Variants in CADM1 observed in about 807,000 individuals in gnomAD.
The protein encoded by CADM1 is TSLC-1.
Under a neutral mutation model 53.1 loss-of-function variants are expected in CADM1, and 15 were observed. The ratio of observed to expected loss-of-function variants is 0.28; its 90% CI spans 0.19 to 0.44. The LOEUF (loss-of-function observed/expected upper bound fraction) is 0.44. Among genes scored for constraint, CADM1 ranks in the 20% least tolerant of loss-of-function variants. The pLI is 1.00. For missense variants in CADM1, 434 were observed against 611.3 expected (o/e 0.71, Z 3.06); for synonymous variants, 281 against 243.0 (o/e 1.16, Z -1.45).
intron 8 of CADM1, among the ~76,000 whole-genome samples, chr11:115,204,530 C>A (rs1940588889): frequency 6.6e-6 from 1 of 152,134 alleles, no homozygotes; most frequent in Admixed American, 6.5e-5. Context: ...AGCTCTTGAA[C>A]CATGCAAATA....
At chr11:115,444,048 C>T (rs985600019) in intron 1 of CADM1, among the ~76,000 whole-genome samples, 2 of 152,000 alleles carry the variant, frequency 1.3e-5, no homozygotes, top group Non-Finnish European at 2.9e-5. Context: ...ACTAATATAA[C>T]TTCAGTTGGA....
At chr11:115,254,456 C>T (rs1306447123) in intron 1 of CADM1, among the ~76,000 whole-genome samples, 2 of 151,570 alleles carry the variant, frequency 1.3e-5, no homozygotes, top group African/African-American at 4.9e-5. Flanking sequence ...TTTCACAAGA[C>T]TCTTGGAAGG....
chr11:115,279,895 CCT>C (rs1369232281), intron 1 of CADM1, among the ~76,000 whole-genome samples: 4 of 152,134 alleles, frequency 2.6e-5, no homozygotes, highest in Admixed American at 6.5e-5. Context: ...GCAATGTTCC[CCT>C]GTCCCCAAAT....
rs150689726 is a variant in CADM1, at chr11:115,190,961, C to T, written c.1112-20G>A. 3.9e-5 allele frequency: 62 copies of T among 1,578,164 alleles called. No individual in the cohort carries two copies. The East Asian group carries it at 1.2e-3, about 32-fold the overall frequency. ...TAAGGCCTTACAAGTAAAAACAAAT[C>T]GTTTTTCTTTTCATTCCTCGAGGGA... On this transcript the variant is annotated intron_variant, in intron 9 of 11. Coordinates refer to ENST00000331581, the MANE Select transcript of CADM1 (RefSeq NM_001301043.2).
chr11:115,218,058 C>G (rs1941261832), intron 5 of CADM1, 67 bp from the exon 6 acceptor site: 33 of 1,125,876 alleles, frequency 2.9e-5, no homozygotes, highest in Non-Finnish European at 4.4e-5. Flanking sequence ...CAGACTCACA[C>G]ACTGCCTCAA....
intron 3 of CADM1, among the ~76,000 whole-genome samples, chr11:115,233,480 ATACCTAG>A (rs1565314292): frequency 6.6e-6 from 1 of 152,218 alleles, no homozygotes; most frequent in African/African-American, 2.4e-5. Flanking sequence ...TTCATCATAC[ATACCTAG>A]ATGGTTGATA....
chr11:115,197,202 A>G (rs1224091734), intron 9 of CADM1, among the ~76,000 whole-genome samples: 2 of 152,226 alleles, frequency 1.3e-5, no homozygotes, highest in Non-Finnish European at 2.9e-5. Context: ...ACCTTCAAGG[A>G]CAGCTCCTAC....
At chr11:115,400,265 G>A (rs1286211958) in intron 1 of CADM1, among the ~76,000 whole-genome samples, 1 of 151,990 alleles carries the variant, frequency 6.6e-6, no homozygotes, top group Admixed American at 6.6e-5. Context: ...GAAGAGGCAG[G>A]CACAACCAGA....
At chr11:115,360,939 G>A (rs1946010669) in intron 1 of CADM1, among the ~76,000 whole-genome samples, 1 of 152,068 alleles carries the variant, frequency 6.6e-6, no homozygotes, top group Admixed American at 6.6e-5. Context: ...AGTCCTCACG[G>A]CAATCACTAT....
In CADM1 at chr11:115,252,275, G is replaced by A. The variant is rs1287281391; in HGVS notation, c.125-11855C>T. On this transcript the variant is annotated intron_variant, in intron 1 of 11. Transcript: ENST00000331581. ...ATTGAGTGAAGTAATGCCTATGAAA[G>A]TATTTAAGCTCCAAAAATGCTAAAT... 1.6e-4 allele frequency among the ~76,000 whole-genome samples: 25 copies of A among 152,266 alleles called. 1 individual carries two copies. The highest frequency in any genetic ancestry group is 5.9e-5 in the Non-Finnish European group (4 of 68,014).
intron 1 of CADM1, among the ~76,000 whole-genome samples, chr11:115,503,193 G>A (rs1009079722): frequency 1.4e-4 from 22 of 152,320 alleles, no homozygotes; most frequent in African/African-American, 5.3e-4. Flanking sequence ...CTGAGGAAGA[G>A]CTCCGGCTCC....
chr11:115,180,280 A>G (rs1565280954), intron 10 of CADM1, among the ~76,000 whole-genome samples: 1 of 152,238 alleles, frequency 6.6e-6, no homozygotes, highest in Non-Finnish European at 1.5e-5. Context: ...TAAATTTTAA[A>G]ATGGAGTATT....
Position 115,248,690 on chromosome 11 carries a change from T to C in CADM1, c.125-8270A>G, listed in dbSNP as rs189201312. On this transcript the variant is annotated intron_variant, in intron 1 of 11. Transcript: ENST00000331581. ...TCATAGCTGGATAGGTTGCATGGGCTTTTCGTTCATAAGCAAGATAGCATC... is the reference window on the plus strand; with the variant it reads ...TCATAGCTGGATAGGTTGCATGGGCCTTTCGTTCATAAGCAAGATAGCATC... Among the ~76,000 whole-genome samples the C allele has an allele frequency of 9.2e-5, 14 of 152,344 alleles. No homozygotes were observed. The East Asian group carries it at 2.1e-3, about 23-fold the overall frequency.
intron 1 of CADM1, among the ~76,000 whole-genome samples, chr11:115,311,506 T>C (rs1944531777): frequency 6.6e-6 from 1 of 151,510 alleles, no homozygotes; most frequent in African/African-American, 2.4e-5. Flanking sequence ...AGACCGTGGG[T>C]TTCATATCCC....
chr11:115,364,429 T>G (rs1946106368), intron 1 of CADM1, among the ~76,000 whole-genome samples: 1 of 152,166 alleles, frequency 6.6e-6, no homozygotes, highest in South Asian at 2.1e-4. Context: ...ATTCCTTCCA[T>G]GTATTCCCAA....
chr11:115,255,812 C>T (rs1318608779), intron 1 of CADM1, among the ~76,000 whole-genome samples: 3 of 152,162 alleles, frequency 2.0e-5, no homozygotes, highest in African/African-American at 7.2e-5. Context: ...TATCATTCTT[C>T]CTTAAGTTGC....
chr11:115,400,575 TATA>T (rs1947113313), intron 1 of CADM1, among the ~76,000 whole-genome samples: 1 of 143,196 alleles, frequency 7.0e-6, no homozygotes. Flanking sequence ...TATATATATA[TATA>T]ATATATATAT....
Position 115,427,443 on chromosome 11 carries a change from C to T in CADM1, c.124+76828G>A, listed in dbSNP as rs1018404916. Among the ~76,000 whole-genome samples the T allele has an allele frequency of 5.3e-5, 8 of 152,050 alleles. No individual in the cohort carries two copies. The East Asian group carries it at 1.5e-3, about 29-fold the overall frequency. On this transcript the variant is annotated intron_variant, in intron 1 of 11. Transcript: ENST00000331581. The stretch of plus-strand genomic sequence containing the variant: ...GAATGATGAGGACAGAATGATACTA[C>T]GTATGCTGTCCCATAGGGTTTCTAT...
intron 4 of CADM1, 56 bp from the exon 5 acceptor site, chr11:115,229,327 G>A: frequency 1.3e-6 from 2 of 1,539,802 alleles, no homozygotes; most frequent in Non-Finnish European, 1.8e-6. Context: ...CCATCAGTTT[G>A]TTTTTATGTC....
Sources: allele counts gnomAD v4.1 joint callset (sites outside exome capture counted in the v4.1 genomes callset), GRCh38; gene constraint gnomAD v4.1.1; transcripts MANE v1.5; gene names NCBI Gene and HGNC (gene_info 2026-07-23, HGNC 2026-07-21).